Variants in TMEM154 observed in about 807,000 individuals in gnomAD.
TMEM154 encodes the protein transmembrane protein 154.
Under a neutral mutation model 24.5 loss-of-function variants are expected in TMEM154, and 27 were observed. That is an observed-to-expected ratio of 1.10 (90% confidence interval 0.81 to 1.52). TMEM154 has a LOEUF of 1.52. Among genes scored for constraint, TMEM154 ranks in the 40% most tolerant of loss-of-function variants. The pLI is 0.00. For missense variants in TMEM154, 228 were observed against 213.4 expected, an observed-to-expected ratio of 1.07 and a Z score of -0.43; for synonymous variants, 67 against 76.8, an observed-to-expected ratio of 0.87 and a Z score of 0.67.
chr4:152,641,786 G>C (rs995061015), intron 5 of TMEM154, among the ~76,000 whole-genome samples: 2 of 147,016 alleles, frequency 1.4e-5, no homozygotes, highest in African/African-American at 5.0e-5. Flanking sequence ...TCCTCAAATA[G>C]AATGGCTTTA....
chr4:152,657,255 T>G (rs1283083183), intron 1 of TMEM154, among the ~76,000 whole-genome samples: 1 of 151,342 alleles, frequency 6.6e-6, no homozygotes, highest in East Asian at 1.9e-4. Flanking sequence ...GGCTCATGCC[T>G]GTAATCCCAG....
chr4:152,644,542 T>C (rs1752318861), intron 3 of TMEM154, 100 bp from the exon 4 acceptor site: 10 of 1,146,350 alleles, frequency 8.7e-6, no homozygotes, highest in Non-Finnish European at 1.3e-5. Context: ...GAGAGCAAAA[T>C]GACATTAAGT....
chr4:152,637,546 G>A (rs1288456994), intron 6 of TMEM154, among the ~76,000 whole-genome samples: 6 of 147,506 alleles, frequency 4.1e-5, no homozygotes, highest in East Asian at 3.9e-4. Flanking sequence ...ACTCAGTCTC[G>A]AAAAAAAAAA....
chr4:152,676,171 T>G (rs1043037836), intron 1 of TMEM154, among the ~76,000 whole-genome samples: 1 of 152,202 alleles, frequency 6.6e-6, no homozygotes, highest in African/African-American at 2.4e-5. Flanking sequence ...CCTCCCTTCC[T>G]CCTCAGCAGT....
At chr4:152,638,677 AT>A (rs35501512) in intron 6 of TMEM154, among the ~76,000 whole-genome samples, 16,409 of 152,150 alleles carry the variant, frequency 0.11, 1,158 homozygotes, top group African/African-American at 0.2. Flanking sequence ...CTTTTCTTAG[AT>A]TTTTTAATGA....
chr4:152,624,451 A>G lies in TMEM154; in HGVS notation c.*4095T>C, dbSNP rs77756310. ...CCTATCTGTACAAAAGATACAAAAA[A>G]TTAGCCAGTCCTAGTAGTGCACACC... On this transcript the variant is annotated 3_prime_UTR_variant, in exon 7 of 7. Coordinates refer to ENST00000304385, the MANE Select transcript of TMEM154 (RefSeq NM_152680.3). 2 of 152,042 alleles carry G rather than the reference A, an allele frequency of 1.3e-5. No individual in the cohort carries two copies. The highest frequency in any genetic ancestry group is 4.8e-5 in the African/African-American group (2 of 41,368). 9.4% of individuals were successfully genotyped at this position (152,042 alleles called of 1,614,324 possible). A position where few individuals can be genotyped will look rare whatever the true frequency, so the allele number is the denominator to read the frequency against.
At chr4:152,677,790 T>C (rs1466517336) in intron 1 of TMEM154, among the ~76,000 whole-genome samples, 2 of 152,228 alleles carry the variant, frequency 1.3e-5, no homozygotes, top group Non-Finnish European at 2.9e-5. Flanking sequence ...ATCAGCCTCA[T>C]ATCCATTCTA....
chr4:152,646,746 A>T (rs1728249462), intron 3 of TMEM154: 1 of 572,708 alleles, frequency 1.7e-6, no homozygotes, highest in Non-Finnish European at 3.1e-6. Context: ...TGTGCATTCG[A>T]TAGTGGGGTT....
chr4:152,660,381 C>G (rs995368012), intron 1 of TMEM154, among the ~76,000 whole-genome samples: 1 of 151,294 alleles, frequency 6.6e-6, no homozygotes, highest in Non-Finnish European at 1.5e-5. Context: ...ACCCCGCCCC[C>G]CCCTCACTTT....
intron 5 of TMEM154, chr4:152,641,242 T>G: frequency 2.3e-6 from 1 of 428,028 alleles, no homozygotes; most frequent in Non-Finnish European, 4.1e-6. Context: ...TGCTTGGTTA[T>G]TCTGTCCCTG....
chr4:152,660,079 A>G (rs1029866622), intron 1 of TMEM154, among the ~76,000 whole-genome samples: 1 of 152,172 alleles, frequency 6.6e-6, no homozygotes, highest in Non-Finnish European at 1.5e-5. Flanking sequence ...AAAATTGGGT[A>G]AGTCAATAAT....
chr4:152,679,989 C>G lies in TMEM154; in HGVS notation c.-56G>C. On this transcript the variant is annotated 5_prime_UTR_variant, in exon 1 of 7. Transcript: ENST00000304385. ...GATGCTGCGCCGGGCTGCAGCCTCT[C>G]TGAAACGTGAACATTTCCTGTTTCC... is the stretch of plus-strand genomic sequence containing the variant. 1 of 1,514,710 alleles carries G rather than the reference C, an allele frequency of 6.6e-7. No homozygotes were observed. The allele number at this position is 1,514,710 out of a possible 1,614,324, so 93.8% of individuals were successfully genotyped here. A position where few individuals can be genotyped will look rare whatever the true frequency, so the allele number is the denominator to read the frequency against.
At chr4:152,646,047 T>C (rs1421393357) in intron 3 of TMEM154, among the ~76,000 whole-genome samples, 1 of 151,670 alleles carries the variant, frequency 6.6e-6, no homozygotes, top group Non-Finnish European at 1.5e-5. Flanking sequence ...TTAATATAAA[T>C]AAAGCTCCTA....
chr4:152,665,215 T>A (rs1274528024), intron 1 of TMEM154, among the ~76,000 whole-genome samples: 1 of 152,174 alleles, frequency 6.6e-6, no homozygotes, highest in African/African-American at 2.4e-5. Flanking sequence ...GTTCTAAATA[T>A]CGATCAATCT....
At chr4:152,639,925 G>A (rs560957017) in intron 6 of TMEM154, 2 of 152,962 alleles carry the variant, frequency 1.3e-5, no homozygotes, top group South Asian at 4.1e-4. Flanking sequence ...AGACTGTGGT[G>A]GTGTGATGTG....
At chr4:152,656,727 G>C (rs1728499061) in intron 1 of TMEM154, among the ~76,000 whole-genome samples, 1 of 151,964 alleles carries the variant, frequency 6.6e-6, no homozygotes, top group African/African-American at 2.4e-5. Flanking sequence ...TTCAAGACCA[G>C]CCTGACCAAC....
chr4:152,649,642 C>T (rs1382778711), intron 3 of TMEM154, among the ~76,000 whole-genome samples: 4 of 152,168 alleles, frequency 2.6e-5, no homozygotes, highest in African/African-American at 9.7e-5. Flanking sequence ...GGTGATGACC[C>T]CAAGGCCTCT....
intron 1 of TMEM154, among the ~76,000 whole-genome samples, chr4:152,679,497 AAATT>A: frequency 6.6e-6 from 1 of 152,068 alleles, no homozygotes; most frequent in East Asian, 1.9e-4. Flanking sequence ...CATAAAAAGC[AAATT>A]AATCATGTCT....
At chr4:152,632,584 C>A (rs1752068060) in intron 6 of TMEM154, among the ~76,000 whole-genome samples, 1 of 152,210 alleles carries the variant, frequency 6.6e-6, no homozygotes, top group Non-Finnish European at 1.5e-5. Context: ...TCATCAGGAA[C>A]ACAGTATACC....
Sources: allele counts gnomAD v4.1 joint callset (sites outside exome capture counted in the v4.1 genomes callset), GRCh38; gene constraint gnomAD v4.1.1; transcripts MANE v1.5; gene names NCBI Gene and HGNC (gene_info 2026-07-23, HGNC 2026-07-21).